Variants in CDH8 observed in about 807,000 individuals in gnomAD.
CDH8 encodes cadherin-8.
A neutral mutation model predicts 68.1 loss-of-function variants in CDH8; 17 were observed. That is an observed-to-expected ratio of 0.25 (90% CI 0.17 to 0.37). CDH8 has a LOEUF of 0.37. Ranked by LOEUF, CDH8 falls within the 10% of genes least tolerant of loss-of-function variation. The pLI, the probability that CDH8 is intolerant of heterozygous loss-of-function variation, is 1.00. For synonymous variants in CDH8, 372 were observed against 365.1 expected (o/e 1.02, Z -0.21); for missense variants, 763 against 999.3 (o/e 0.76, Z 3.19).
intron 10 of CDH8, among the ~76,000 whole-genome samples, chr16:61,687,858 G>A (rs1360600981): frequency 2.0e-5 from 3 of 151,996 alleles, no homozygotes; most frequent in African/African-American, 7.2e-5. Context: ...GAATTGTAGT[G>A]AGTCTTTTCT....
chr16:61,855,233 T>G (rs1358573988), intron 4 of CDH8, among the ~76,000 whole-genome samples: 1 of 152,166 alleles, frequency 6.6e-6, no homozygotes, highest in African/African-American at 2.4e-5. Context: ...TTGATATATA[T>G]ACACATTATG....
At chr16:61,993,594 T>C (rs1047664407) in intron 2 of CDH8, among the ~76,000 whole-genome samples, 2 of 152,336 alleles carry the variant, frequency 1.3e-5, no homozygotes, top group African/African-American at 2.4e-5. Context: ...AATATGTTCA[T>C]GTCAAAAGAA....
chr16:61,924,847 T>TGAG (rs1158538014), intron 2 of CDH8, among the ~76,000 whole-genome samples: 1 of 152,134 alleles, frequency 6.6e-6, no homozygotes, highest in African/African-American at 2.4e-5. Context: ...TTAATTGTCC[T>TGAG]GAGGAGGATT....
At chr16:61,746,078 C>A (rs1960013937) in intron 8 of CDH8, among the ~76,000 whole-genome samples, 1 of 152,066 alleles carries the variant, frequency 6.6e-6, no homozygotes, top group African/African-American at 2.4e-5. Context: ...TTTTACACTG[C>A]TAAAATATTT....
rs1029641340 is a variant in CDH8 at position 61,779,462 on chromosome 16, T to C, written c.1414+9884A>G. Among the ~76,000 whole-genome samples the C allele has an allele frequency of 1.5e-3, 199 of 136,292 alleles. 2 individuals are homozygous for C. Among genetic ancestry groups the C allele is most frequent in the Non-Finnish European group, 9.0e-4 (58 of 64,120 alleles). 89.4% of individuals were successfully genotyped at this position (136,292 alleles called of 152,430 possible). ...GTGTGTGTGTGTGTGTGTGTGTGTG[T>C]GTGCGCGCATGGTGAGGGAAACAAG... On this transcript the variant is annotated intron_variant, in intron 8 of 11. Coordinates refer to ENST00000577390, the MANE Select transcript of CDH8 (RefSeq NM_001796.5).
chr16:61,731,159 G>A (rs1959525010), intron 8 of CDH8, among the ~76,000 whole-genome samples: 1 of 151,606 alleles, frequency 6.6e-6, no homozygotes, highest in African/African-American at 2.4e-5. Context: ...ACAAAGGAAT[G>A]TGACCTTCAA....
chr16:61,919,048 G>C (rs557657816), intron 2 of CDH8, among the ~76,000 whole-genome samples: 1 of 147,030 alleles, frequency 6.8e-6, no homozygotes, highest in Non-Finnish European at 1.5e-5. Flanking sequence ...CCCCCCAGCA[G>C]GGGCATACTG....
At chr16:61,661,370 T>C (rs1469483823) in intron 10 of CDH8, among the ~76,000 whole-genome samples, 1 of 151,836 alleles carries the variant, frequency 6.6e-6, no homozygotes, top group Non-Finnish European at 1.5e-5. Flanking sequence ...CAATACATGA[T>C]AGAATGATAG....
intron 2 of CDH8, among the ~76,000 whole-genome samples, chr16:61,975,199 G>C (rs1384175627): frequency 6.6e-6 from 1 of 152,050 alleles, no homozygotes; most frequent in African/African-American, 2.4e-5. Context: ...GGTCCATGGG[G>C]TTAGGAAGAA....
intron 8 of CDH8, among the ~76,000 whole-genome samples, chr16:61,742,855 G>T (rs900308269): frequency 1.3e-5 from 2 of 152,060 alleles, no homozygotes; most frequent in African/African-American, 4.8e-5. Flanking sequence ...ACTTTTCTCT[G>T]TTGAAATTTA....
intron 2 of CDH8, among the ~76,000 whole-genome samples, chr16:62,002,198 AAAG>A (rs1453406033): frequency 1.3e-5 from 2 of 152,236 alleles, no homozygotes; most frequent in South Asian, 2.1e-4. Flanking sequence ...ATTTTGAAAA[AAAG>A]AAAGTAAATT....
intron 2 of CDH8, among the ~76,000 whole-genome samples, chr16:61,990,917 G>T (rs112407120): frequency 6.6e-6 from 1 of 150,668 alleles, no homozygotes; most frequent in Non-Finnish European, 1.5e-5. Flanking sequence ...GAAAAGGAAG[G>T]AGGGAAGGAA....
chr16:62,035,985 G>T (rs1297402962), intron 1 of CDH8, 95 bp downstream of exon 1: 1 of 152,450 alleles, frequency 6.6e-6, no homozygotes, highest in Non-Finnish European at 1.5e-5. Context: ...GGCGCGCAAG[G>T]TGTCCGAAGG....
intron 10 of CDH8, among the ~76,000 whole-genome samples, chr16:61,659,806 A>G (rs1963521318): frequency 6.6e-6 from 1 of 152,186 alleles, no homozygotes; most frequent in African/African-American, 2.4e-5. Context: ...TCTTGGAAAG[A>G]GAGAGCCTCT....
At chr16:61,982,886 G>T (rs2150583780) in intron 2 of CDH8, among the ~76,000 whole-genome samples, 1 of 152,268 alleles carries the variant, frequency 6.6e-6, no homozygotes, top group South Asian at 2.1e-4. Flanking sequence ...TCTGCAGTTG[G>T]TAAGGCATAT....
intron 3 of CDH8, among the ~76,000 whole-genome samples, chr16:61,868,662 T>C (rs1032814744): frequency 3.3e-5 from 5 of 152,116 alleles, no homozygotes; most frequent in East Asian, 3.9e-4. Context: ...AGATCAAGTA[T>C]GGAACTTGCC....
intron 9 of CDH8, among the ~76,000 whole-genome samples, chr16:61,720,478 T>A (rs1959208812): frequency 6.6e-6 from 1 of 150,964 alleles, no homozygotes. Flanking sequence ...CTTTAAACAA[T>A]CTTTTACACC....
At chr16:61,654,836 G>GGACAA (rs1250907378) in intron 11 of CDH8, among the ~76,000 whole-genome samples, 3 of 151,920 alleles carry the variant, frequency 2.0e-5, no homozygotes, top group African/African-American at 7.3e-5. Flanking sequence ...GTTCCTCAAG[G>GGACAA]GTAGTATAAG....
chr16:61,670,851 C>T (rs1034297929), intron 10 of CDH8, among the ~76,000 whole-genome samples: 1 of 151,968 alleles, frequency 6.6e-6, no homozygotes, highest in African/African-American at 2.4e-5. Context: ...TTCACATCCC[C>T]AGCGAGATGG....
Sources: gnomAD v4.1 joint callset for allele counts (sites outside exome capture counted in the v4.1 genomes callset) on GRCh38, gnomAD v4.1.1 for gene constraint, MANE v1.5 for transcripts, NCBI Gene and HGNC (gene_info 2026-07-23, HGNC 2026-07-21) for gene names.